NEBL: variants seen among roughly 807,000 people sequenced by gnomAD.
NEBL encodes the protein nebulette.
Under a neutral mutation model 140.2 loss-of-function variants are expected in NEBL, and 122 were observed. The observed-to-expected ratio is 0.87, with a 90% confidence interval of 0.75 to 1.01. NEBL has a LOEUF of 1.01. NEBL is among the 50% of genes least tolerant of loss of function. The probability of loss-of-function intolerance (pLI) is 0.00; values close to 1 mark genes in which losing one functional copy is unlikely to be tolerated. For missense variants in NEBL, 1,365 were observed against 1,231.3 expected (o/e 1.11, Z -1.62); for synonymous variants, 436 against 398.9 (o/e 1.09, Z -1.11).
chr10:20,810,019 G>A, intron 24 of NEBL, 121 bp from the exon 25 acceptor site: 1 of 713,784 alleles, frequency 1.4e-6, no homozygotes, highest in Non-Finnish European at 2.4e-6. Context: ...GATATAAGAA[G>A]CAAACATGTA....
At chr10:20,856,009 T>C (rs1276456652) in intron 9 of NEBL, among the ~76,000 whole-genome samples, 4 of 152,344 alleles carry the variant, frequency 2.6e-5, no homozygotes, top group Non-Finnish European at 5.9e-5. Context: ...AAGGAGGCCA[T>C]TCTAATATAC....
At chr10:21,019,174 T>C (rs1031555061) in intron 3 of NEBL, among the ~76,000 whole-genome samples, 2 of 152,196 alleles carry the variant, frequency 1.3e-5, no homozygotes, top group African/African-American at 4.8e-5. Flanking sequence ...ATAACAAGCC[T>C]CCACAGTCAT....
chr10:20,787,054 A>T, intron 27 of NEBL, 148 bp downstream of exon 27: 1 of 779,028 alleles, frequency 1.3e-6, no homozygotes, highest in Admixed American at 2.0e-5. Context: ...TGCTTCCTTC[A>T]AAAGAGTTGT....
At chr10:21,046,188 T>C (rs913222238) in intron 2 of NEBL, among the ~76,000 whole-genome samples, 1 of 152,048 alleles carries the variant, frequency 6.6e-6, no homozygotes, top group Admixed American at 6.6e-5. Flanking sequence ...GTTGAACTCA[T>C]AGAAACAAAG....
At chr10:21,128,856 A>G (rs868232741) in intron 2 of NEBL, among the ~76,000 whole-genome samples, 1 of 152,218 alleles carries the variant, frequency 6.6e-6, no homozygotes, top group East Asian at 1.9e-4. Flanking sequence ...CTCCATCTTC[A>G]ATGAACAGCA....
chr10:21,113,290 T>TAAAAAAAAAAAAAAAAA lies in NEBL; in HGVS notation c.164+59092_164+59093insTTTTTTTTTTTTTTTTT, dbSNP rs56366013. On this transcript the variant is annotated intron_variant, in intron 2 of 6. Coordinates refer to the NEBL transcript ENST00000417816. ...ACCAAGATCAAAAGGATGAGAATCC[T>TAAAAAAAAAAAAAAAAA]AAAAAAAAAAAAAAAACCAGGAAAA... 183 of 123,888 alleles carry TAAAAAAAAAAAAAAAAA rather than the reference T, an allele frequency of 1.5e-3. 3 individuals are homozygous for TAAAAAAAAAAAAAAAAA. The highest frequency in any genetic ancestry group is 5.5e-3 in the African/African-American group (61 of 10,996). The allele number at this position is 123,888 out of a possible 1,614,324, so 7.7% of individuals were successfully genotyped here.
chr10:21,131,499 C>T (rs1364987563), intron 2 of NEBL, among the ~76,000 whole-genome samples: 2 of 152,010 alleles, frequency 1.3e-5, no homozygotes, highest in East Asian at 1.9e-4. Context: ...ATAATTTTCT[C>T]TGTACAAATA....
intron 3 of NEBL, among the ~76,000 whole-genome samples, chr10:20,973,247 C>CTTT (rs201974015): frequency 1.4e-5 from 2 of 139,394 alleles, no homozygotes; most frequent in African/African-American, 2.6e-5. Flanking sequence ...TTACCTTTTT[C>CTTT]TTTTTTTTTT....
chr10:20,813,875 C>T (rs1210913717), intron 23 of NEBL, 64 bp downstream of exon 23: 4 of 1,032,108 alleles, frequency 3.9e-6, no homozygotes, highest in African/African-American at 1.6e-5. Flanking sequence ...TGAAGTAATG[C>T]CATCCGTGCA....
At chr10:20,943,464 T>G (rs549933702) in intron 4 of NEBL, among the ~76,000 whole-genome samples, 12 of 152,082 alleles carry the variant, frequency 7.9e-5, no homozygotes, top group Non-Finnish European at 1.8e-4. Context: ...TGGGGAGGGA[T>G]AGCATTAGGA....
At chr10:21,268,527 T>A (rs1842825368) in intron 1 of NEBL, among the ~76,000 whole-genome samples, 1 of 49,966 alleles carries the variant, frequency 2.0e-5, no homozygotes, top group Non-Finnish European at 4.1e-5. Context: ...TAATTTAATT[T>A]TTTTTTTTTT....
At chr10:21,177,501 A>G (rs1448488265), upstream of NEBL, among the ~76,000 whole-genome samples, 1 of 152,142 alleles carries the variant, frequency 6.6e-6, no homozygotes, top group African/African-American at 2.4e-5. Context: ...TAATGAATTT[A>G]CATAAAAGAT....
chr10:21,153,381 T>A (rs1272376694), intron 2 of NEBL, among the ~76,000 whole-genome samples: 2 of 151,696 alleles, frequency 1.3e-5, no homozygotes, highest in African/African-American at 4.8e-5. Context: ...AGTGCAATGG[T>A]GAGATCTCAG....
At chr10:21,260,110 C>T (rs1319083672) in intron 1 of NEBL, among the ~76,000 whole-genome samples, 1 of 152,216 alleles carries the variant, frequency 6.6e-6, no homozygotes, top group Admixed American at 6.5e-5. Flanking sequence ...TTCCAGATTG[C>T]TTGAAATGGT....
chr10:20,984,438 TAG>T (rs748880640), intron 3 of NEBL, among the ~76,000 whole-genome samples: 3 of 152,166 alleles, frequency 2.0e-5, no homozygotes, highest in South Asian at 4.1e-4. Context: ...CTATTATTTC[TAG>T]AGAGAAGGCA....
Position 21,126,185 on chromosome 10 carries a change from A to T in NEBL, c.164+46198T>A, listed in dbSNP as rs76718496. 9,917 of 1,503,638 alleles carry T rather than the reference A, an allele frequency of 6.6e-3. 128 individuals are homozygous for T. Among genetic ancestry groups the T allele is most frequent in the African/African-American group, 0.042 (3,023 of 71,642 alleles). 93.1% of individuals were successfully genotyped at this position (1,503,638 alleles called of 1,614,324 possible). ...TGGTACCCCCCATAGAAAGGAAAAA[A>T]AATACCACATTTGGAATAATAACAA... On this transcript the variant is annotated intron_variant, in intron 2 of 6. Coordinates refer to the NEBL transcript ENST00000417816.
At chr10:20,807,486 G>A (rs1422659883) in intron 26 of NEBL, among the ~76,000 whole-genome samples, 2 of 152,120 alleles carry the variant, frequency 1.3e-5, no homozygotes, top group Non-Finnish European at 2.9e-5. Flanking sequence ...ACCAAAATAA[G>A]GTCAGTCCAG....
At chr10:21,282,057 T>C (rs559002868) in intron 1 of NEBL, among the ~76,000 whole-genome samples, 22 of 152,286 alleles carry the variant, frequency 1.4e-4, no homozygotes, top group African/African-American at 5.3e-4. Context: ...TTCCTATAGA[T>C]GCAAGTGTGG....
chr10:20,841,853 T>C (rs540645495), intron 12 of NEBL, among the ~76,000 whole-genome samples: 3 of 152,228 alleles, frequency 2.0e-5, no homozygotes, highest in Non-Finnish European at 2.9e-5. Context: ...ATTTAAAGAA[T>C]TGGAAAACCA....
Sources: allele counts gnomAD v4.1 joint callset (sites outside exome capture counted in the v4.1 genomes callset), GRCh38; gene constraint gnomAD v4.1.1; transcripts MANE v1.5; gene names NCBI Gene and HGNC (gene_info 2026-07-23, HGNC 2026-07-21).